The following LMNTD1 variants were observed in gnomAD, a reference collection of about 807,000 sequenced individuals.
LMNTD1 encodes lamin tail domain containing 1.
A neutral mutation model predicts 50.9 loss-of-function variants in LMNTD1; 35 were observed. That is an observed-to-expected ratio of 0.69 (90% confidence interval 0.53 to 0.91). The LOEUF (loss-of-function observed/expected upper bound fraction) is 0.91, where lower values mean the gene tolerates loss of function less well. Among genes scored for constraint, LMNTD1 ranks in the 40% least tolerant of loss-of-function variants. The probability of loss-of-function intolerance (pLI) is 0.00; values close to 1 mark genes in which losing one functional copy is unlikely to be tolerated. For missense variants in LMNTD1, 470 were observed against 475.5 expected (o/e 0.99, Z 0.11); for synonymous variants, 153 against 161.9 (o/e 0.94, Z 0.42).
At chr12:25,499,318 G>A (rs952621843) in intron 9 of LMNTD1, among the ~76,000 whole-genome samples, 14 of 152,136 alleles carry the variant, frequency 9.2e-5, no homozygotes, top group African/African-American at 3.4e-4. Context: ...GCCTCCCAAA[G>A]TGTTGGGATT....
At position 25,484,381 on chromosome 12, in the gene LMNTD1, G is replaced by A. The variant is rs1011706124; in HGVS notation, c.*23-7921C>T. ...TCCAAAGTGCTGGGATAACAGGTGT[G>A]AGCCACTGCGCCTGGCCCAGCATTG... is the stretch of plus-strand genomic sequence containing the variant. On this transcript the variant is annotated intron_variant, in intron 9 of 9. Transcript: ENST00000458174. Among the ~76,000 whole-genome samples the A allele has an allele frequency of 1.3e-4, 19 of 151,890 alleles. No homozygotes were observed. In the East Asian group the frequency reaches 3.7e-3, roughly 29 times the overall value.
At chr12:25,601,461 T>G (rs1442280509) in intron 1 of LMNTD1, among the ~76,000 whole-genome samples, 2 of 151,806 alleles carry the variant, frequency 1.3e-5, no homozygotes, top group Non-Finnish European at 2.9e-5. Flanking sequence ...ATTTAAAGAG[T>G]ATATTTGGAT....
chr12:25,534,449 T>G (rs531009780), intron 4 of LMNTD1, among the ~76,000 whole-genome samples: 1 of 152,076 alleles, frequency 6.6e-6, no homozygotes, highest in Non-Finnish European at 1.5e-5. Context: ...CTCGAGAAAA[T>G]TTCAAGGCTG....
intron 1 of LMNTD1, among the ~76,000 whole-genome samples, chr12:25,639,771 C>A (rs114239738): frequency 0.018 from 2,752 of 152,238 alleles, 81 homozygotes; most frequent in African/African-American, 0.062. Flanking sequence ...CATATAGTTA[C>A]CTTATGACTC....
intron 1 of LMNTD1, among the ~76,000 whole-genome samples, chr12:25,612,290 TCACACACA>T (rs71705893): frequency 6.9e-4 from 74 of 107,244 alleles, no homozygotes; most frequent in African/African-American, 2.0e-3. Context: ...CTAAGGTCCC[TCACACACA>T]CACACACACA....
At chr12:25,497,981 T>C (rs1176273437) in intron 9 of LMNTD1, among the ~76,000 whole-genome samples, 1 of 152,160 alleles carries the variant, frequency 6.6e-6, no homozygotes, top group Non-Finnish European at 1.5e-5. Context: ...GGAAAAATTC[T>C]CACTTCTCTC....
intron 1 of LMNTD1, among the ~76,000 whole-genome samples, chr12:25,610,920 G>T (rs1198656256): frequency 2.6e-5 from 4 of 152,176 alleles, no homozygotes; most frequent in Non-Finnish European, 4.4e-5. Flanking sequence ...AAGGAAAATT[G>T]GGAAGCCACT....
chr12:25,536,369 G>A (rs542288640), intron 4 of LMNTD1, among the ~76,000 whole-genome samples: 2 of 152,240 alleles, frequency 1.3e-5, no homozygotes, highest in South Asian at 2.1e-4. Flanking sequence ...GTCATACAAA[G>A]TATGTTCTTT....
Position 25,526,158 on chromosome 12 carries a change from G to C in LMNTD1, c.739C>G (p.Gln247Glu). The C allele has an allele frequency of 6.2e-7, 1 of 1,610,670 alleles. No individual in the cohort carries two copies. Among genetic ancestry groups the C allele is most frequent in the Admixed American group, 1.7e-5 (1 of 59,676 alleles). The change falls in exon 6 of 10, where the codon CAA (glutamine) becomes GAA (glutamate). Residue 247 changes from glutamine (Q) to glutamate (E), a missense_variant. Physicochemically the swap from Gln to Glu is conservative, Grantham distance 29. Transcript: ENST00000458174. Reference sequence around the variant, plus strand: ...TCAGGACTTGCTCTAAACTTGTCTTGTTCCTTCCAAAGAAAATCTGATGGA... The same window carrying C: ...TCAGGACTTGCTCTAAACTTGTCTTCTTCCTTCCAAAGAAAATCTGATGGA... ...QPPSDFLWKEQDKFRASPDCI... is the reference protein window; with the variant it reads ...QPPSDFLWKEEDKFRASPDCI...
chr12:25,590,069 A>T (rs2136465499), intron 1 of LMNTD1, among the ~76,000 whole-genome samples: 1 of 151,162 alleles, frequency 6.6e-6, no homozygotes, highest in Non-Finnish European at 1.5e-5. Flanking sequence ...TATACACAAA[A>T]GAAGCACCTC....
intron 1 of LMNTD1, among the ~76,000 whole-genome samples, chr12:25,610,238 T>C (rs990830737): frequency 6.6e-6 from 1 of 152,128 alleles, no homozygotes; most frequent in Non-Finnish European, 1.5e-5. Flanking sequence ...CCCAGTACAG[T>C]CTGTCATGGC....
At chr12:25,596,620 C>A (rs555446296) in intron 1 of LMNTD1, among the ~76,000 whole-genome samples, 6 of 151,930 alleles carry the variant, frequency 3.9e-5, no homozygotes, top group Non-Finnish European at 8.8e-5. Flanking sequence ...CAATCAAAGG[C>A]TGAGGGATTT....
At chr12:25,533,738 T>A (rs1235836992) in intron 4 of LMNTD1, among the ~76,000 whole-genome samples, 1 of 152,192 alleles carries the variant, frequency 6.6e-6, no homozygotes, top group African/African-American at 2.4e-5. Flanking sequence ...TGATGGTAGA[T>A]CCTTAATGTA....
At chr12:25,511,370 C>T (rs1940279428) in intron 8 of LMNTD1, among the ~76,000 whole-genome samples, 1 of 152,052 alleles carries the variant, frequency 6.6e-6, no homozygotes, top group African/African-American at 2.4e-5. Context: ...CGTTAGGATA[C>T]CTCAGGTTTC....
chr12:25,642,554 T>A (rs1351578671), intron 1 of LMNTD1, among the ~76,000 whole-genome samples: 1 of 152,228 alleles, frequency 6.6e-6, no homozygotes, highest in Non-Finnish European at 1.5e-5. Context: ...TCTATTAAAG[T>A]AATCCAAATG....
intron 8 of LMNTD1, among the ~76,000 whole-genome samples, chr12:25,514,678 T>C (rs921964665): frequency 6.6e-6 from 1 of 152,184 alleles, no homozygotes; most frequent in Non-Finnish European, 1.5e-5. Flanking sequence ...ATTGGATTGT[T>C]TGTAACTCAG....
intron 1 of LMNTD1, among the ~76,000 whole-genome samples, chr12:25,603,512 T>C (rs916489983): frequency 1.3e-5 from 2 of 152,024 alleles, no homozygotes; most frequent in African/African-American, 4.8e-5. Flanking sequence ...AGGAAATAAG[T>C]TCTAGAACCA....
chr12:25,553,185 T>C lies in LMNTD1; in HGVS notation c.-147A>G. On this transcript the variant is annotated 5_prime_UTR_variant, in exon 1 of 10. Coordinates refer to ENST00000458174, the MANE Select transcript of LMNTD1 (RefSeq NM_001145728.2). Reference sequence around the variant, plus strand: ...AGTACCAACATAGCCAATCCTGATCTTGGCTAAGGATGTCGGACAAACCAT... The same window carrying C: ...AGTACCAACATAGCCAATCCTGATCCTGGCTAAGGATGTCGGACAAACCAT... 1 of 1,594,348 alleles carries C rather than the reference T, an allele frequency of 6.3e-7. No homozygotes were observed. The highest frequency in any genetic ancestry group is 8.5e-7 in the Non-Finnish European group (1 of 1,172,430).
intron 1 of LMNTD1, among the ~76,000 whole-genome samples, chr12:25,594,495 T>C (rs190133368): frequency 1.2e-3 from 187 of 152,122 alleles, no homozygotes; most frequent in African/African-American, 4.3e-3. Flanking sequence ...ATAGTCTTTT[T>C]CAGACAACCA....
Sources: gnomAD v4.1 joint callset for allele counts (sites outside exome capture counted in the v4.1 genomes callset) on GRCh38, gnomAD v4.1.1 for gene constraint, MANE v1.5 for transcripts, NCBI Gene and HGNC (gene_info 2026-07-23, HGNC 2026-07-21) for gene names.